Variants in MRPL13 observed in about 807,000 individuals in gnomAD.
MRPL13 encodes the protein mitochondrial ribosomal protein L13, also known as large ribosomal subunit protein uL13m.
Under a neutral mutation model 29.0 loss-of-function variants are expected in MRPL13, and 33 were observed. The observed-to-expected ratio is 1.14, with a 90% confidence interval of 0.86 to 1.52. The LOEUF is 1.52. MRPL13 is among the 40% of genes most tolerant of loss of function. MRPL13 has a pLI of 0.00. For missense variants in MRPL13, 227 were observed against 216.7 expected (o/e 1.05, Z -0.30); for synonymous variants, 77 against 68.4 (o/e 1.13, Z -0.62).
At chr8:120,398,936 A>AACACACAC (rs113704349) in intron 6 of MRPL13, among the ~76,000 whole-genome samples, 2 of 149,312 alleles carry the variant, frequency 1.3e-5, no homozygotes, top group African/African-American at 4.9e-5. Flanking sequence ...CACACACACA[A>AACACACAC]ACACACACAC....
At chr8:120,401,129 G>A (rs1038340881) in intron 6 of MRPL13, among the ~76,000 whole-genome samples, 22 of 152,120 alleles carry the variant, frequency 1.4e-4, no homozygotes, top group African/African-American at 5.3e-4. Flanking sequence ...CAAAAGAAGG[G>A]ACTCCTCCCT....
rs371339974 is a variant in MRPL13, at chr8:120,396,030, T to A, written c.*74A>T. On this transcript the variant is annotated 3_prime_UTR_variant, in exon 7 of 7. Coordinates refer to ENST00000306185, the MANE Select transcript of MRPL13 (RefSeq NM_014078.6). Reference sequence around the variant, plus strand: ...GAACTGTAGCAGTTGTTTTACTCCATCCTGTAGGTTAGAGAAACTCATCAG... The same window carrying A: ...GAACTGTAGCAGTTGTTTTACTCCAACCTGTAGGTTAGAGAAACTCATCAG... 2.3e-6 allele frequency: 3 copies of A among 1,287,428 alleles called. No individual in the cohort carries two copies. The African/African-American group carries it at 4.4e-5, about 19-fold the overall frequency. The allele number at this position is 1,287,428 out of a possible 1,614,324, so 79.8% of individuals were successfully genotyped here.
intron 6 of MRPL13, among the ~76,000 whole-genome samples, chr8:120,408,953 T>C (rs1812710853): frequency 6.6e-6 from 1 of 152,198 alleles, no homozygotes; most frequent in South Asian, 2.1e-4. Context: ...TTTACAGAGC[T>C]GAATGGATCA....
chr8:120,404,472 T>A (rs1812642020), intron 6 of MRPL13, among the ~76,000 whole-genome samples: 1 of 152,192 alleles, frequency 6.6e-6, no homozygotes, highest in Non-Finnish European at 1.5e-5. Context: ...CCATGACTAA[T>A]CTTTCAAAAT....
At chr8:120,433,019 T>A (rs1390793326) in intron 2 of MRPL13, among the ~76,000 whole-genome samples, 1 of 151,974 alleles carries the variant, frequency 6.6e-6, no homozygotes, top group Non-Finnish European at 1.5e-5. Flanking sequence ...AGCCCTAAAT[T>A]TGAGTGGCAG....
chr8:120,424,478 A>G (rs911924496), intron 4 of MRPL13, among the ~76,000 whole-genome samples: 3 of 152,026 alleles, frequency 2.0e-5, no homozygotes, highest in Admixed American at 2.0e-4. Context: ...TTAAAAACAG[A>G]GTAAAGTCTG....
intron 6 of MRPL13, 68 bp from the exon 7 acceptor site, chr8:120,396,193 AT>A: frequency 8.4e-7 from 1 of 1,184,826 alleles, no homozygotes; most frequent in East Asian, 2.5e-5. Context: ...GATGAGGATT[AT>A]TTTTCCAATT....
chr8:120,419,085 G>C (rs1456440767), intron 5 of MRPL13, among the ~76,000 whole-genome samples: 3 of 151,904 alleles, frequency 2.0e-5, no homozygotes, highest in Non-Finnish European at 2.9e-5. Context: ...TATTGTGCCA[G>C]TTTCTGTTCT....
chr8:120,411,358 A>G (rs551303727), intron 6 of MRPL13, among the ~76,000 whole-genome samples: 1 of 152,282 alleles, frequency 6.6e-6, no homozygotes, highest in South Asian at 2.1e-4. Context: ...ATGAGCCACC[A>G]TGCCTGGCTG....
intron 6 of MRPL13, among the ~76,000 whole-genome samples, chr8:120,403,089 G>C (rs1397064138): frequency 6.6e-6 from 1 of 152,156 alleles, no homozygotes; most frequent in Non-Finnish European, 1.5e-5. Flanking sequence ...AGACAGTGTG[G>C]CAATTCCTCA....
intron 3 of MRPL13, among the ~76,000 whole-genome samples, chr8:120,430,564 A>G (rs996819889): frequency 1.3e-5 from 2 of 152,222 alleles, no homozygotes; most frequent in African/African-American, 4.8e-5. Flanking sequence ...GGAAATAGCA[A>G]AGGTATCCCA....
Position 120,396,097 on chromosome 8 carries a change from T to C in MRPL13, c.*7A>G. 1 of 1,582,968 alleles carries C rather than the reference T, an allele frequency of 6.3e-7. No homozygotes were observed. Among genetic ancestry groups the C allele is most frequent in the Non-Finnish European group, 8.6e-7 (1 of 1,159,518 alleles). ...CTTCACTGTTATTTTCTGCAATTCT[T>C]ATTCTCTTATAGCCGATAATCTTCA... On this transcript the variant is annotated 3_prime_UTR_variant, in exon 7 of 7. Coordinates refer to ENST00000306185, the MANE Select transcript of MRPL13 (RefSeq NM_014078.6).
chr8:120,442,498 T>C (rs1161326431), intron 2 of MRPL13, among the ~76,000 whole-genome samples: 1 of 152,204 alleles, frequency 6.6e-6, no homozygotes. Context: ...TATTTTTATA[T>C]ATACATATTT....
rs185592010 is a variant in MRPL13 at position 120,399,847 on chromosome 8, T to C, written c.516-3722A>G. Among the ~76,000 whole-genome samples the C allele has an allele frequency of 2.6e-5, 4 of 152,256 alleles. No homozygotes were observed. The East Asian group carries it at 5.8e-4, about 22-fold the overall frequency. On this transcript the variant is annotated intron_variant, in intron 6 of 6. Coordinates refer to ENST00000306185, the MANE Select transcript of MRPL13 (RefSeq NM_014078.6). ...AAAAAAGCAGGGGCTACAATCCTAATTTCTTACAAAACAGACTTTAAACCA... is the reference window on the plus strand; with the variant it reads ...AAAAAAGCAGGGGCTACAATCCTAACTTCTTACAAAACAGACTTTAAACCA...
At chr8:120,399,185 C>T (rs932392122) in intron 6 of MRPL13, among the ~76,000 whole-genome samples, 1 of 152,126 alleles carries the variant, frequency 6.6e-6, no homozygotes, top group African/African-American at 2.4e-5. Context: ...CTTCAAGACA[C>T]ATAATCTTCA....
chr8:120,410,053 T>C lies in MRPL13; in HGVS notation c.515+3938A>G, dbSNP rs533679654. Among the ~76,000 whole-genome samples the C allele has an allele frequency of 5.9e-5, 9 of 152,338 alleles. No homozygotes were observed. The South Asian group carries it at 1.9e-3, about 32-fold the overall frequency. On this transcript the variant is annotated intron_variant, in intron 6 of 6. Coordinates refer to ENST00000306185, the MANE Select transcript of MRPL13 (RefSeq NM_014078.6). Reference sequence around the variant, plus strand: ...TACTGGGTTCAAAGCTCTTTGATAATTGTTTCTGCTGCTCAGAAGCTTTTA... The same window carrying C: ...TACTGGGTTCAAAGCTCTTTGATAACTGTTTCTGCTGCTCAGAAGCTTTTA...
At chr8:120,405,482 C>A (rs1335055365) in intron 6 of MRPL13, among the ~76,000 whole-genome samples, 1 of 152,224 alleles carries the variant, frequency 6.6e-6, no homozygotes, top group Non-Finnish European at 1.5e-5. Flanking sequence ...CAAGTTCCCA[C>A]TTGATGCATT....
At chr8:120,407,534 T>C (rs187539834) in intron 6 of MRPL13, among the ~76,000 whole-genome samples, 2 of 152,006 alleles carry the variant, frequency 1.3e-5, no homozygotes, top group Non-Finnish European at 2.9e-5. Flanking sequence ...TAATCCCAGC[T>C]ACTTGGGAGG....
intron 3 of MRPL13, among the ~76,000 whole-genome samples, chr8:120,430,439 C>A (rs1391281876): frequency 6.6e-6 from 1 of 151,936 alleles, no homozygotes; most frequent in African/African-American, 2.4e-5. Flanking sequence ...AACTAGCAAG[C>A]TAAATTTTGA....
Sources: gnomAD v4.1 joint callset for allele counts (sites outside exome capture counted in the v4.1 genomes callset) on GRCh38, gnomAD v4.1.1 for gene constraint, MANE v1.5 for transcripts, NCBI Gene and HGNC (gene_info 2026-07-23, HGNC 2026-07-21) for gene names.